The following OSBPL2 variants were observed in gnomAD, a reference collection of about 807,000 sequenced individuals.
OSBPL2 encodes the protein oxysterol binding protein like 2, also known as oxysterol-binding protein-related protein 2.
In OSBPL2, 18 loss-of-function variants were observed where a neutral mutation model predicts 58.4. The observed-to-expected ratio is 0.31, with a 90% confidence interval of 0.21 to 0.46. The LOEUF is 0.46. Among genes scored for constraint, OSBPL2 ranks in the 20% least tolerant of loss-of-function variants. The pLI is 1.00. For missense variants in OSBPL2, 461 were observed against 616.5 expected (o/e 0.75, Z 2.67); for synonymous variants, 221 against 234.1 (o/e 0.94, Z 0.51).
intron 4 of OSBPL2, among the ~76,000 whole-genome samples, chr20:62,267,717 AC>A (rs1981773151): frequency 6.6e-6 from 1 of 152,020 alleles, no homozygotes; most frequent in South Asian, 2.1e-4. Context: ...CCTGGCGAGG[AC>A]AGATTTAGAC....
intron 8 of OSBPL2, 106 bp downstream of exon 8, chr20:62,281,271 C>T (rs760799716): frequency 1.3e-5 from 10 of 757,258 alleles, no homozygotes; most frequent in East Asian, 5.4e-5. Flanking sequence ...CTCAGCCTCA[C>T]GAGCTGCTGC....
intron 4 of OSBPL2, among the ~76,000 whole-genome samples, chr20:62,268,088 G>A (rs1398486831): frequency 7.3e-6 from 1 of 137,288 alleles, no homozygotes; most frequent in Non-Finnish European, 1.6e-5. Flanking sequence ...TAGTAGATAC[G>A]GGGTTTCACC....
At chr20:62,274,965 C>A (rs1982294578) in intron 6 of OSBPL2, among the ~76,000 whole-genome samples, 1 of 152,158 alleles carries the variant, frequency 6.6e-6, no homozygotes, top group Admixed American at 6.5e-5. Context: ...ATTATGAAGT[C>A]TGTTTGTTTT....
chr20:62,249,661 G>C (rs1033326855), intron 1 of OSBPL2, among the ~76,000 whole-genome samples: 4 of 152,152 alleles, frequency 2.6e-5, no homozygotes, highest in Non-Finnish European at 4.4e-5. Flanking sequence ...TGCAACCTCC[G>C]CCTCCCAGGT....
chr20:62,275,273 A>C (rs1982315512), intron 6 of OSBPL2, among the ~76,000 whole-genome samples: 1 of 152,236 alleles, frequency 6.6e-6, no homozygotes, highest in Non-Finnish European at 1.5e-5. Context: ...ATGATAATTT[A>C]ATTTGTATCC....
At chr20:62,282,561 C>T (rs1982861143) in intron 9 of OSBPL2, among the ~76,000 whole-genome samples, 1 of 152,220 alleles carries the variant, frequency 6.6e-6, no homozygotes, top group African/African-American at 2.4e-5. Context: ...GGGCCAGGTG[C>T]AGTGGCTCAT....
chr20:62,268,519 T>C (rs1981842476), intron 4 of OSBPL2, among the ~76,000 whole-genome samples: 2 of 152,192 alleles, frequency 1.3e-5, no homozygotes, highest in South Asian at 4.1e-4. Context: ...CTTCTTTACA[T>C]AAATGAGAGG....
chr20:62,255,652 C>T (rs1329442233), intron 1 of OSBPL2, among the ~76,000 whole-genome samples: 1 of 151,688 alleles, frequency 6.6e-6, no homozygotes, highest in South Asian at 2.1e-4. Flanking sequence ...TATAGGCGTG[C>T]GCCACCACGC....
rs1983257267 is a variant in OSBPL2, at chr20:62,288,203, G to A, written c.1126-1004G>A. On this transcript the variant is annotated intron_variant, in intron 11 of 13. Coordinates refer to ENST00000313733, the MANE Select transcript of OSBPL2 (RefSeq NM_144498.4). The surrounding 1 kb of genome is among the most constrained non-coding windows in gnomAD (Gnocchi z 4.8). ...TGCTGTGAGTGACATGGGGCACCAG[G>A]AGTCATTTGAGCAGGGGGTGACGGG... Among the ~76,000 whole-genome samples the A allele has an allele frequency of 6.6e-6, 1 of 152,198 alleles. No individual in the cohort carries two copies. Among genetic ancestry groups the A allele is most frequent in the South Asian group, 2.1e-4 (1 of 4,836 alleles).
chr20:62,267,481 G>T (rs1268626178), intron 4 of OSBPL2, among the ~76,000 whole-genome samples: 1 of 152,128 alleles, frequency 6.6e-6, no homozygotes, highest in Non-Finnish European at 1.5e-5. Flanking sequence ...TTGGGGTCTG[G>T]CATCATCTAC....
At chr20:62,266,523 C>T (rs372314322) in intron 4 of OSBPL2, among the ~76,000 whole-genome samples, 22 of 152,042 alleles carry the variant, frequency 1.4e-4, no homozygotes, top group African/African-American at 3.9e-4. Flanking sequence ...GGCTGTGGCT[C>T]GTTCTGGATC....
intron 1 of OSBPL2, among the ~76,000 whole-genome samples, chr20:62,245,494 G>C (rs1980045750): frequency 6.6e-6 from 1 of 152,208 alleles, no homozygotes; most frequent in African/African-American, 2.4e-5. Flanking sequence ...GAACCATACA[G>C]GCCTGAAGAA....
intron 3 of OSBPL2, among the ~76,000 whole-genome samples, chr20:62,263,159 G>C (rs1391977659): frequency 6.6e-6 from 1 of 152,204 alleles, no homozygotes; most frequent in Admixed American, 6.5e-5. Context: ...TACCTGGAAA[G>C]AAATGCTCCT....
chr20:62,286,751 T>C, intron 11 of OSBPL2, 40 bp downstream of exon 11: 1 of 1,586,072 alleles, frequency 6.3e-7, no homozygotes, highest in African/African-American at 1.3e-5. Context: ...TGCCTGCTCA[T>C]GTCACACCCA....
chr20:62,257,937 A>G (rs1352635774), intron 2 of OSBPL2, among the ~76,000 whole-genome samples: 1 of 151,654 alleles, frequency 6.6e-6, no homozygotes, highest in African/African-American at 2.4e-5. Context: ...CTGGTCTCGA[A>G]CTCCTGACCT....
chr20:62,274,250 C>G (rs572976242), intron 6 of OSBPL2, among the ~76,000 whole-genome samples: 37 of 152,196 alleles, frequency 2.4e-4, no homozygotes, highest in Admixed American at 3.3e-4. Flanking sequence ...AGTGCCCACC[C>G]ACACCAACAA....
intron 12 of OSBPL2, 82 bp from the exon 13 acceptor site, chr20:62,291,621 A>G (rs1983513950): frequency 7.9e-6 from 9 of 1,135,158 alleles, no homozygotes; most frequent in African/African-American, 3.0e-5. Flanking sequence ...AGACATGCCA[A>G]CTAGAGATCT....
At chr20:62,279,051 C>A in intron 6 of OSBPL2, 106 bp from the exon 7 acceptor site, 1 of 909,414 alleles carries the variant, frequency 1.1e-6, no homozygotes, top group South Asian at 1.7e-5. Context: ...GCATGGAGGG[C>A]CCCTGCTTCC....
At position 62,262,895 on chromosome 20, in the gene OSBPL2, CCTT is replaced by C. The variant is rs372910502; in HGVS notation, c.183-717_183-715del. Among the ~76,000 whole-genome samples, 241 of 152,288 alleles carry C rather than the reference CCTT, an allele frequency of 1.6e-3. 1 individual carries two copies. The highest frequency in any genetic ancestry group is 5.4e-3 in the African/African-American group (226 of 41,572). The stretch of plus-strand genomic sequence containing the variant: ...AGCCCCGGGCCCCTACTCTGCAGCA[CCTT>C]CTTTGCACCCTGCTCTGTGGTGTCC... On this transcript the variant is annotated intron_variant, in intron 3 of 13. Transcript: ENST00000313733.
Sources: allele counts gnomAD v4.1 joint callset (sites outside exome capture counted in the v4.1 genomes callset), GRCh38; gene constraint gnomAD v4.1.1; non-coding constraint Gnocchi (gnomAD v3.1); transcripts MANE v1.5; gene names NCBI Gene and HGNC (gene_info 2026-07-23, HGNC 2026-07-21).